MCFD2: variants seen among roughly 807,000 people sequenced by gnomAD.
MCFD2 encodes multiple coagulation factor deficiency protein 2.
MCFD2 carries 11 observed loss-of-function variants against 12.8 expected under a neutral mutation model. The observed-to-expected ratio is 0.86, with a 90% CI of 0.54 to 1.42. The LOEUF (loss-of-function observed/expected upper bound fraction) is 1.42, where lower values mean the gene tolerates loss of function less well. Ranked by LOEUF, MCFD2 falls within the 40% of genes most tolerant of loss-of-function variation. MCFD2 has a pLI of 0.00. For missense variants in MCFD2, 191 were observed against 178.6 expected, an observed-to-expected ratio of 1.07 and a Z score of -0.40; for synonymous variants, 70 against 68.1, an observed-to-expected ratio of 1.03 and a Z score of -0.14.
intron 1 of MCFD2, among the ~76,000 whole-genome samples, chr2:46,925,482 T>G (rs1405275399): frequency 6.6e-6 from 1 of 152,116 alleles, no homozygotes; most frequent in Non-Finnish European, 1.5e-5. Flanking sequence ...CTATTGAACC[T>G]GGGAGGCGGA....
At chr2:46,919,277 G>A (rs888819344), upstream of MCFD2, among the ~76,000 whole-genome samples, 1 of 152,250 alleles carries the variant, frequency 6.6e-6, no homozygotes, top group Non-Finnish European at 1.5e-5. Context: ...GCTCACGCCT[G>A]TAATCCCAGC....
chr2:46,905,540 CTAT>C lies in MCFD2; in HGVS notation c.361_363del (p.Ile121del). Reference sequence around the variant, plus strand: ...TTGTCATCATCTCTCAAAACACCATCTATTATGTTAATCAGTTCATCTTCACTC... The same window carrying C: ...TTGTCATCATCTCTCAAAACACCATCTATGTTAATCAGTTCATCTTCACTC... On this transcript the variant is annotated inframe_deletion, in exon 4 of 4. Coordinates refer to ENST00000319466, the MANE Select transcript of MCFD2 (RefSeq NM_139279.6). 6.2e-7 allele frequency: 1 copy of C among 1,613,544 alleles called. No homozygotes were observed. The highest frequency in any genetic ancestry group is 8.5e-7 in the Non-Finnish European group (1 of 1,179,594).
upstream of MCFD2, chr2:46,917,334 C>A (rs887949059): frequency 3.2e-6 from 2 of 618,262 alleles, no homozygotes; most frequent in Non-Finnish European, 5.7e-6. Flanking sequence ...CCTATTAATT[C>A]AAGACCCATT....
At chr2:46,914,680 AAG>A (rs1026203297) in intron 1 of MCFD2, among the ~76,000 whole-genome samples, 1 of 152,182 alleles carries the variant, frequency 6.6e-6, no homozygotes, top group African/African-American at 2.4e-5. Context: ...CCTGGTAGAA[AAG>A]AGAGACCGGC....
upstream of MCFD2, among the ~76,000 whole-genome samples, chr2:46,919,593 A>C (rs10495940): frequency 0.085 from 12,887 of 152,264 alleles, 1,000 homozygotes; most frequent in African/African-American, 0.21. Context: ...GAAATTGATC[A>C]GAAGTCTAAC....
chr2:46,915,804 T>TAGGGGGGGGGGGGGGGGGG lies in MCFD2; in HGVS notation c.-89_-88insCCCCCCCCCCCCCCCCCCT. 2 of 568,430 alleles carry TAGGGGGGGGGGGGGGGGGG rather than the reference T, an allele frequency of 3.5e-6. No homozygotes were observed. Among genetic ancestry groups the TAGGGGGGGGGGGGGGGGGG allele is most frequent in the Non-Finnish European group, 3.9e-6 (2 of 510,736 alleles). The allele number at this position is 568,430 out of a possible 1,614,324, so 35.2% of individuals were successfully genotyped here. ...GTCCCCAAAACGCTCTTCCTCGGCTTCGCCCCGCCCCCCCCCCCCCCCCGA... is the reference window on the plus strand; with the variant it reads ...GTCCCCAAAACGCTCTTCCTCGGCTTAGGGGGGGGGGGGGGGGGGCGCCCCGCCCCCCCCCCCCCCCCGA... On this transcript the variant is annotated 5_prime_UTR_variant, in exon 1 of 4. Coordinates refer to ENST00000319466, the MANE Select transcript of MCFD2 (RefSeq NM_139279.6).
At chr2:46,932,501 A>G (rs1315571134) in intron 1 of MCFD2, among the ~76,000 whole-genome samples, 1 of 152,190 alleles carries the variant, frequency 6.6e-6, no homozygotes, top group East Asian at 1.9e-4. Context: ...TTGCTGTATA[A>G]TGATTACATC....
chr2:46,928,460 A>T (rs761493714), intron 1 of MCFD2, among the ~76,000 whole-genome samples: 2,842 of 71,314 alleles, frequency 0.04, 32 homozygotes, highest in Non-Finnish European at 0.047. Flanking sequence ...AAGGGAAATT[A>T]AAAAAAAAAA....
At chr2:46,918,624 G>C (rs1327407998), upstream of MCFD2, among the ~76,000 whole-genome samples, 1 of 152,222 alleles carries the variant, frequency 6.6e-6, no homozygotes, top group Non-Finnish European at 1.5e-5. Flanking sequence ...AAGGTAGCCA[G>C]TGTTAAAAGA....
Position 46,905,476 on chromosome 2 carries a change from T to A in MCFD2, c.428A>T (p.Lys143Ile). ...DGYIDYAEFA[K>I]SLQ Reference sequence around the variant, plus strand: ...GCCAAATAACATCTACTGCAGTGATTTTGCAAATTCAGCATAGTCAATGTA... The same window carrying A: ...GCCAAATAACATCTACTGCAGTGATATTGCAAATTCAGCATAGTCAATGTA... Residue 143 changes from lysine (K) to isoleucine (I), a missense_variant, in exon 4 of 4, where the codon AAA (lysine) becomes ATA (isoleucine). By Grantham distance (102) the Lys-to-Ile change is moderately radical. Coordinates refer to ENST00000319466, the MANE Select transcript of MCFD2 (RefSeq NM_139279.6). The A allele has an allele frequency of 6.2e-7, 1 of 1,612,704 alleles. No individual in the cohort carries two copies.
rs1179088472 is a variant in MCFD2 at position 46,940,406 on chromosome 2, G to C, written c.-8+1166C>G. Among the ~76,000 whole-genome samples the C allele has an allele frequency of 2.0e-5, 3 of 152,102 alleles. No individual in the cohort carries two copies. The highest frequency in any genetic ancestry group is 4.4e-5 in the Non-Finnish European group (3 of 68,012). On this transcript the variant is annotated intron_variant, in intron 1 of 2. Transcript: ENST00000409147. This position sits in a 1 kb window ranked among gnomAD's most constrained non-coding sequence, Gnocchi z 4.7. ...GTGAGCTGCGGCGGCAGCGGGGCCG[G>C]GCCCCTGTAAGAGGTCTCCCCCCAA...
intron 1 of MCFD2, 65 bp downstream of exon 1, chr2:46,915,658 G>T: frequency 3.4e-6 from 2 of 592,552 alleles, no homozygotes; most frequent in Non-Finnish European, 4.2e-6. Context: ...TTGAGCCCAA[G>T]CCTCCAGCCC....
chr2:46,915,711 T>C lies in MCFD2; in HGVS notation c.-7+12A>G, dbSNP rs1021102413. 5.3e-6 allele frequency: 5 copies of C among 951,982 alleles called. No individual in the cohort carries two copies. 59.0% of individuals were successfully genotyped at this position (951,982 alleles called of 1,614,324 possible). A position where few individuals can be genotyped will look rare whatever the true frequency, so the allele number is the denominator to read the frequency against. ...ATCCCGCCCGCTGCGGAGAGTGCGCTAGTTCACTCACCCTTACGGTCTCCG... is the reference window on the plus strand; with the variant it reads ...ATCCCGCCCGCTGCGGAGAGTGCGCCAGTTCACTCACCCTTACGGTCTCCG... On this transcript the variant is annotated intron_variant, in intron 1 of 3. Transcript: ENST00000319466.
chr2:46,924,503 T>A lies in MCFD2; in HGVS notation c.-7-16534A>T, dbSNP rs992439178. 2.0e-4 allele frequency among the ~76,000 whole-genome samples: 30 copies of A among 152,220 alleles called. 1 individual carries two copies. The East Asian group carries it at 3.1e-3, about 16-fold the overall frequency. ...AGTATAATAATATTCTAAAGAAAAA[T>A]TATAAAATATATTGAGTATGAGTGT... is the stretch of plus-strand genomic sequence containing the variant. On this transcript the variant is annotated intron_variant, in intron 1 of 2. Coordinates refer to the MCFD2 transcript ENST00000409147.
At position 46,934,787 on chromosome 2, in the gene MCFD2, C is replaced by CTTTTTTTTTTTTTTTTTTT. The variant is rs1161003607; in HGVS notation, c.-8+6766_-8+6784dup. On this transcript the variant is annotated intron_variant, in intron 1 of 2. Transcript: ENST00000409147. ...GGAATAAGGTATGAAGACTACTGCTCTTTTTTTTTTTTTTTTTTTTTTTTT... is the reference window on the plus strand; with the variant it reads ...GGAATAAGGTATGAAGACTACTGCTCTTTTTTTTTTTTTTTTTTTTTTTTTTTTTTTTTTTTTTTTTTTT... 1.3e-4 allele frequency among the ~76,000 whole-genome samples: 9 copies of CTTTTTTTTTTTTTTTTTTT among 66,888 alleles called. 1 individual carries two copies. The highest frequency in any genetic ancestry group is 1.3e-4 in the Non-Finnish European group (5 of 37,304). 43.9% of individuals were successfully genotyped at this position (66,888 alleles called of 152,430 possible).
At chr2:46,916,944 T>G (rs985789140), upstream of MCFD2, among the ~76,000 whole-genome samples, 2 of 151,284 alleles carry the variant, frequency 1.3e-5, 1 homozygote, top group South Asian at 4.2e-4. Context: ...GACGGTCGTT[T>G]TTTTTAAAGC....
intron 1 of MCFD2, among the ~76,000 whole-genome samples, chr2:46,911,591 A>G (rs1012129523): frequency 6.6e-6 from 1 of 152,184 alleles, no homozygotes; most frequent in African/African-American, 2.4e-5. Flanking sequence ...TTCCTACACA[A>G]ACTAATAACA....
At chr2:46,930,418 A>G (rs958513646) in intron 1 of MCFD2, among the ~76,000 whole-genome samples, 3 of 150,450 alleles carry the variant, frequency 2.0e-5, no homozygotes, top group East Asian at 3.9e-4. Flanking sequence ...AAAAAGCTAG[A>G]TGAAACGTAT....
chr2:46,908,061 TCC>T lies in MCFD2; in HGVS notation c.150-94_150-93del. 2 of 1,416,592 alleles carry T rather than the reference TCC, an allele frequency of 1.4e-6. No individual in the cohort carries two copies. The highest frequency in any genetic ancestry group is 2.0e-6 in the Non-Finnish European group (2 of 1,020,660). The allele number at this position is 1,416,592 out of a possible 1,614,324, so 87.8% of individuals were successfully genotyped here. A position where few individuals can be genotyped will look rare whatever the true frequency, so the allele number is the denominator to read the frequency against. On this transcript the variant is annotated intron_variant, in intron 2 of 3. Transcript: ENST00000319466. The surrounding 1 kb of genome is among the most constrained non-coding windows in gnomAD (Gnocchi z 4.5). Reference sequence around the variant, plus strand: ...TCTGAAAAGTTCAAGATCTTAAACTTCCTCCAGCTCAGAAAAACAAACACCAG... The same window carrying T: ...TCTGAAAAGTTCAAGATCTTAAACTTTCCAGCTCAGAAAAACAAACACCAG...
Sources: allele counts gnomAD v4.1 joint callset (sites outside exome capture counted in the v4.1 genomes callset), GRCh38; gene constraint gnomAD v4.1.1; non-coding constraint Gnocchi (gnomAD v3.1); transcripts MANE v1.5; gene names NCBI Gene and HGNC (gene_info 2026-07-23, HGNC 2026-07-21).